The following SLC9A4 variants were observed in gnomAD, a reference collection of about 807,000 sequenced individuals.
The protein encoded by SLC9A4 is sodium/hydrogen exchanger 4.
SLC9A4 carries 63 observed loss-of-function variants against 67.4 expected under a neutral mutation model. The ratio of observed to expected loss-of-function variants is 0.93; its 90% confidence interval spans 0.76 to 1.15. The LOEUF (loss-of-function observed/expected upper bound fraction) is 1.15, where lower values mean the gene tolerates loss of function less well. SLC9A4 is among the 50% of genes most tolerant of loss of function. The probability of loss-of-function intolerance (pLI) is 0.00; values close to 1 mark genes in which losing one functional copy is unlikely to be tolerated. For synonymous variants in SLC9A4, 393 were observed against 367.2 expected, an observed-to-expected ratio of 1.07 and a Z score of -0.80; for missense variants, 1,089 against 987.7, an observed-to-expected ratio of 1.10 and a Z score of -1.38.
At chr2:102,522,808 C>A (rs1394968193) in intron 9 of SLC9A4, among the ~76,000 whole-genome samples, 1 of 152,160 alleles carries the variant, frequency 6.6e-6, no homozygotes. Context: ...GACAAGAATT[C>A]ATATTTCAAA....
chr2:102,508,330 T>G lies in SLC9A4; in HGVS notation c.1401+49T>G, dbSNP rs775566666. 9 of 1,449,564 alleles carry G rather than the reference T, an allele frequency of 6.2e-6. No homozygotes were observed. In the South Asian group the frequency reaches 6.4e-5, roughly 10 times the overall value. 89.8% of individuals were successfully genotyped at this position (1,449,564 alleles called of 1,614,324 possible). On this transcript the variant is annotated intron_variant, in intron 5 of 11. Coordinates refer to ENST00000295269, the MANE Select transcript of SLC9A4 (RefSeq NM_001011552.4). ...AAATAAATAGGTTATTTCAGGACAA[T>G]GTAGTAAATTAGTAAAATACAAATA...
At chr2:102,491,616 G>T (rs1257967277) in intron 2 of SLC9A4, among the ~76,000 whole-genome samples, 1 of 151,900 alleles carries the variant, frequency 6.6e-6, no homozygotes, top group Non-Finnish European at 1.5e-5. Context: ...CCTCCCACTG[G>T]GTCCCTCCCA....
rs1216468719 is a variant in SLC9A4, at chr2:102,508,896, A to G, written c.1451A>G (p.Asn484Ser). The change falls in exon 6 of 12, where the codon AAT becomes AGT. Residue 484 changes from asparagine (N) to serine (S), a missense_variant. By Grantham distance (46) the Asn-to-Ser change is conservative. Coordinates refer to ENST00000295269, the MANE Select transcript of SLC9A4 (RefSeq NM_001011552.4). ...LVRYLDVKKT[N>S]KKESINEELH... ...AGGTACCTGGATGTTAAAAAAACCAATAAAAAAGAATCCATCAATGAAGAG... is the reference window on the plus strand; with the variant it reads ...AGGTACCTGGATGTTAAAAAAACCAGTAAAAAAGAATCCATCAATGAAGAG... The G allele has an allele frequency of 6.2e-7, 1 of 1,613,100 alleles. No homozygotes were observed. Among genetic ancestry groups the G allele is most frequent in the East Asian group, 2.2e-5 (1 of 44,856 alleles).
At chr2:102,525,500 T>C (rs759744054) in intron 10 of SLC9A4, among the ~76,000 whole-genome samples, 1 of 150,988 alleles carries the variant, frequency 6.6e-6, no homozygotes, top group African/African-American at 2.4e-5. Flanking sequence ...CACCATGGGG[T>C]CTGGGTCTGG....
chr2:102,517,157 C>T (rs574421793), intron 8 of SLC9A4, among the ~76,000 whole-genome samples: 2 of 152,300 alleles, frequency 1.3e-5, no homozygotes, highest in South Asian at 4.1e-4. Flanking sequence ...ACTCATCACT[C>T]ATTCCAAATG....
At position 102,508,162 on chromosome 2, in the gene SLC9A4, G is replaced by T. The variant is rs1378649111; in HGVS notation, c.1282G>T (p.Gly428Cys). 1 of 1,614,080 alleles carries T rather than the reference G, an allele frequency of 6.2e-7. No individual in the cohort carries two copies. Among genetic ancestry groups the T allele is most frequent in the Non-Finnish European group, 8.5e-7 (1 of 1,179,996 alleles). Residue 428 changes from glycine (G) to cysteine (C), a missense_variant, in exon 5 of 12, where the codon GGT (glycine) becomes TGT (cysteine). Physicochemically the swap from Gly to Cys is radical, Grantham distance 159. Transcript: ENST00000295269. ...GGACCAGTGCATCATTTTCTACAGT[G>T]GTGTTCGAGGAGCTGGAAGTTTTTC... ...IKDQCIIFYSGVRGAGSFSLA... is the reference protein window; with the variant it reads ...IKDQCIIFYSCVRGAGSFSLA...
Position 102,532,678 on chromosome 2 carries a change from A to C in SLC9A4, c.2387A>C (p.Gln796Pro). 1 of 1,542,478 alleles carries C rather than the reference A, an allele frequency of 6.5e-7. No individual in the cohort carries two copies. Among genetic ancestry groups the C allele is most frequent in the South Asian group, 1.2e-5 (1 of 86,524 alleles). ...DHHRSHSPLL[Q>P]KK ...CACAGGTCCCATAGTCCTTTGCTCC[A>C]AAAAAAATAGTGTTATTGTCCACAA... Residue 796 changes from glutamine to proline, a missense_variant, in exon 12 of 12, where the codon CAA (glutamine) becomes CCA (proline). By Grantham distance (76) the Gln-to-Pro change is moderately conservative. Coordinates refer to ENST00000295269, the MANE Select transcript of SLC9A4 (RefSeq NM_001011552.4).
At chr2:102,499,793 G>A (rs957002030) in intron 2 of SLC9A4, among the ~76,000 whole-genome samples, 8 of 152,120 alleles carry the variant, frequency 5.3e-5, no homozygotes, top group African/African-American at 1.9e-4. Flanking sequence ...TTATTACATT[G>A]AACAGTGAGC....
At chr2:102,529,862 C>A (rs781115167) in intron 11 of SLC9A4, among the ~76,000 whole-genome samples, 8 of 152,162 alleles carry the variant, frequency 5.3e-5, no homozygotes, top group Non-Finnish European at 5.9e-5. Flanking sequence ...ACTTCACATG[C>A]TTTTCCAGGG....
chr2:102,519,640 A>G (rs571630823), intron 8 of SLC9A4, among the ~76,000 whole-genome samples: 5 of 152,358 alleles, frequency 3.3e-5, no homozygotes, highest in South Asian at 2.1e-4. Context: ...AATAATTACC[A>G]TATATAAGCT....
intron 3 of SLC9A4, 30 bp downstream of exon 3, chr2:102,503,737 A>G: frequency 6.2e-7 from 1 of 1,604,760 alleles, no homozygotes; most frequent in Non-Finnish European, 8.5e-7. Flanking sequence ...CAAGTCACAT[A>G]GTAATAGAAA....
At chr2:102,503,373 A>G (rs900310180) in intron 2 of SLC9A4, 75 bp from the exon 3 acceptor site, 16 of 1,343,392 alleles carry the variant, frequency 1.2e-5, no homozygotes, top group Non-Finnish European at 1.6e-5. Context: ...CTAGACACAA[A>G]GCTGAGAATG....
chr2:102,487,178 GGTGTGT>G (rs55756786), intron 2 of SLC9A4, among the ~76,000 whole-genome samples: 4 of 149,092 alleles, frequency 2.7e-5, no homozygotes, highest in Non-Finnish European at 5.9e-5. Flanking sequence ...GCTCACAGCT[GGTGTGT>G]GTGTGTGTGT....
chr2:102,485,921 G>T lies in SLC9A4; in HGVS notation c.720+6619G>T, dbSNP rs11890615. ...CAGGGGCAGGCATGGGCAGAGGGAA[G>T]AGTCCCAGGGTCCTATCTCTCTTTC... On this transcript the variant is annotated intron_variant, in intron 2 of 11. Transcript: ENST00000295269. 9.5e-3 allele frequency among the ~76,000 whole-genome samples: 1,440 copies of T among 152,268 alleles called. 18 individuals are homozygous for T. The highest frequency in any genetic ancestry group is 0.033 in the African/African-American group (1,365 of 41,564).
rs1674628904 is a variant in SLC9A4, at chr2:102,525,032, C to A, written c.1827C>A (p.Ser609=). The A allele has an allele frequency of 6.2e-7, 1 of 1,613,828 alleles. No individual in the cohort carries two copies. The highest frequency in any genetic ancestry group is 1.3e-5 in the African/African-American group (1 of 74,900). ...NMYQVRQRTL[S]YNKYNLKPQT... ...TTCCATTTTCTCTGCAGACCCTGTC[C>A]TACAACAAATACAACCTCAAACCCC... Residue 609 remains serine (S), a synonymous_variant, in exon 10 of 12, where the codon TCC becomes TCA. Transcript: ENST00000295269.
At chr2:102,492,513 G>C (rs890875936) in intron 2 of SLC9A4, among the ~76,000 whole-genome samples, 7 of 152,214 alleles carry the variant, frequency 4.6e-5, no homozygotes, top group African/African-American at 1.4e-4. Context: ...GCAATGACCT[G>C]AGCAGTATTT....
chr2:102,504,486 G>GA (rs1268632512), intron 3 of SLC9A4, among the ~76,000 whole-genome samples: 1 of 152,170 alleles, frequency 6.6e-6, no homozygotes, highest in Non-Finnish European at 1.5e-5. Flanking sequence ...TTGCTCTAAT[G>GA]AAAATATTTT....
intron 2 of SLC9A4, among the ~76,000 whole-genome samples, chr2:102,483,799 C>CATATATATAT (rs61195337): frequency 1.2e-4 from 14 of 114,286 alleles, no homozygotes; most frequent in East Asian, 1.0e-3. Context: ...CCATGTACAG[C>CATATATATAT]ATATATATAT....
At chr2:102,512,367 C>A in intron 7 of SLC9A4, 94 bp downstream of exon 7, 2 of 1,399,264 alleles carry the variant, frequency 1.4e-6, no homozygotes, top group Non-Finnish European at 2.0e-6. Flanking sequence ...GAATGGAGAC[C>A]AAGAAGATAA....
Sources: gnomAD v4.1 joint callset for allele counts (sites outside exome capture counted in the v4.1 genomes callset) on GRCh38, gnomAD v4.1.1 for gene constraint, MANE v1.5 for transcripts, NCBI Gene and HGNC (gene_info 2026-07-23, HGNC 2026-07-21) for gene names.